The following SLC6A5 variants were observed in gnomAD, a reference collection of about 807,000 sequenced individuals.
SLC6A5 encodes sodium- and chloride-dependent glycine transporter 2.
Under a neutral mutation model 90.5 loss-of-function variants are expected in SLC6A5, and 58 were observed. The ratio of observed to expected loss-of-function variants is 0.64; its 90% CI spans 0.52 to 0.80. SLC6A5 has a LOEUF of 0.80. SLC6A5 is among the 30% of genes least tolerant of loss of function. The pLI is 0.00. For missense variants in SLC6A5, 1,015 were observed against 1,017.6 expected, an observed-to-expected ratio of 1.00 and a Z score of 0.03; for synonymous variants, 427 against 401.4, an observed-to-expected ratio of 1.06 and a Z score of -0.76.
intron 1 of SLC6A5, among the ~76,000 whole-genome samples, chr11:20,600,335 G>GGAAGAAGAA (rs55891826): frequency 0.011 from 942 of 87,894 alleles, 79 homozygotes; most frequent in South Asian, 0.016. Context: ...AAGAAGAAGA[G>GGAAGAAGAA]GAAGAAGAAG....
At chr11:20,645,435 G>A (rs952118538) in intron 13 of SLC6A5, among the ~76,000 whole-genome samples, 14 of 152,032 alleles carry the variant, frequency 9.2e-5, no homozygotes, top group Non-Finnish European at 1.5e-4. Flanking sequence ...CTGCTCTGGT[G>A]GAGCTCAGGG....
At position 20,659,228 on chromosome 11, in the gene SLC6A5, A is replaced by G; in HGVS notation, c.*4360A>G. ...TATGTACTGATATAAATTAGAATTTACCCTAATAATGTATGAGTTCACAAA... is the reference window on the plus strand; with the variant it reads ...TATGTACTGATATAAATTAGAATTTGCCCTAATAATGTATGAGTTCACAAA... On this transcript the variant is annotated 3_prime_UTR_variant, in exon 16 of 16. Transcript: ENST00000525748. 1 of 152,038 alleles carries G rather than the reference A, an allele frequency of 6.6e-6. No individual in the cohort carries two copies. Among genetic ancestry groups the G allele is most frequent in the Non-Finnish European group, 1.5e-5 (1 of 68,012 alleles). 9.4% of individuals were successfully genotyped at this position (152,038 alleles called of 1,614,324 possible).
chr11:20,617,581 A>C (rs980568809), intron 6 of SLC6A5, among the ~76,000 whole-genome samples, 171 bp from the exon 7 acceptor site: 19 of 152,208 alleles, frequency 1.2e-4, no homozygotes, highest in African/African-American at 4.6e-4. Context: ...AGCCCAGACC[A>C]GCAAATTCCC....
chr11:20,641,467 A>G (rs1015654724), intron 13 of SLC6A5, among the ~76,000 whole-genome samples: 9 of 152,014 alleles, frequency 5.9e-5, no homozygotes, highest in African/African-American at 2.2e-4. Context: ...TGATGGCTGA[A>G]CTCAGCAAGA....
chr11:20,640,121 C>A (rs1425388927), intron 13 of SLC6A5, among the ~76,000 whole-genome samples: 1 of 152,206 alleles, frequency 6.6e-6, no homozygotes, highest in Non-Finnish European at 1.5e-5. Flanking sequence ...CAAGGTCTTT[C>A]TTTGGCACCT....
intron 15 of SLC6A5, among the ~76,000 whole-genome samples, chr11:20,653,493 TG>T (rs2133826265): frequency 6.6e-6 from 1 of 152,258 alleles, no homozygotes; most frequent in African/African-American, 2.4e-5. Context: ...AACAGGCCTC[TG>T]GGTTATCCCA....
rs373204248 is a variant in SLC6A5, at chr11:20,654,742, G to A, written c.2268G>A (p.Pro756=). ...TGAAGTTGGTGTGCTCGCCACAGCC[G>A]GACTGGGGCCCATTCTTAGCTCAAC... is the stretch of plus-strand genomic sequence containing the variant. ...ERLKLVCSPQ[P]DWGPFLAQHR... is the part of the protein sequence containing the mutation. Residue 756 remains proline (P), a synonymous_variant, in exon 16 of 16, where the codon CCG becomes CCA. Coordinates refer to ENST00000525748, the MANE Select transcript of SLC6A5 (RefSeq NM_004211.5). The A allele has an allele frequency of 1.2e-5, 19 of 1,614,138 alleles. No homozygotes were observed. The African/African-American group carries it at 1.3e-4, about 11-fold the overall frequency.
In SLC6A5 at chr11:20,630,812, C is replaced by A. The variant is rs931802079; in HGVS notation, c.1621C>A (p.Gln541Lys). Residue 541 changes from glutamine to lysine, a missense_variant, in exon 10 of 16, where the codon CAA becomes AAA. Gln to Lys is a moderately conservative substitution (Grantham distance 53). Around this residue, in one of 3 missense-constraint regions of SLC6A5, gnomAD observed 442 missense variants for 494.3 expected, o/e 0.89. Transcript: ENST00000525748. ...AGTCAACATTGAGAATGTGGCAGAC[C>A]AAGGTACAGGACAGTTGTTACCCTG... ...RKVNIENVAD[Q>K]GPGIAFVVYP... 6.2e-7 allele frequency: 1 copy of A among 1,614,110 alleles called. No individual in the cohort carries two copies. Among genetic ancestry groups the A allele is most frequent in the Middle Eastern group, 1.6e-4 (1 of 6,062 alleles).
chr11:20,628,195 A>G, intron 9 of SLC6A5, 112 bp downstream of exon 9: 3 of 947,660 alleles, frequency 3.2e-6, no homozygotes, highest in Non-Finnish European at 3.4e-6. Context: ...AGGGAGAGCT[A>G]AAGATTTGCC....
intron 7 of SLC6A5, among the ~76,000 whole-genome samples, chr11:20,620,130 A>G (rs10766703): frequency 0.71 from 107,337 of 152,054 alleles, 37,940 homozygotes; most frequent in South Asian, 0.78. Flanking sequence ...TTATGGCTAG[A>G]AATGGAGACA....
At chr11:20,606,227 G>GC (rs1305954477) in intron 3 of SLC6A5, among the ~76,000 whole-genome samples, 1 of 152,244 alleles carries the variant, frequency 6.6e-6, no homozygotes, top group Non-Finnish European at 1.5e-5. Flanking sequence ...AAGTACTATT[G>GC]CCCTAGACGG....
chr11:20,654,961 CT>C lies in SLC6A5; in HGVS notation c.*96del. On this transcript the variant is annotated 3_prime_UTR_variant, in exon 16 of 16. Transcript: ENST00000525748. ...TAGCTCTCCTCCCATTTTTCTTCAT[CT>C]TTCTTCCTACATCTTGGTTCACATC... The C allele has an allele frequency of 7.6e-7, 1 of 1,309,382 alleles. No individual in the cohort carries two copies. The highest frequency in any genetic ancestry group is 1.1e-6 in the Non-Finnish European group (1 of 902,446). The allele number at this position is 1,309,382 out of a possible 1,614,324, so 81.1% of individuals were successfully genotyped here.
intron 14 of SLC6A5, 128 bp from the exon 15 acceptor site, chr11:20,652,161 A>G: frequency 2.4e-6 from 2 of 833,794 alleles, no homozygotes; most frequent in Non-Finnish European, 4.1e-6. Flanking sequence ...GATTAATAAT[A>G]CTACTCTTTC....
intron 2 of SLC6A5, among the ~76,000 whole-genome samples, chr11:20,603,960 G>A (rs912736181): frequency 1.3e-5 from 2 of 152,042 alleles, no homozygotes; most frequent in Non-Finnish European, 2.9e-5. Context: ...CACCTTACAG[G>A]TTCAAGGTTT....
At chr11:20,637,882 C>A (rs1030423645) in intron 12 of SLC6A5, among the ~76,000 whole-genome samples, 8 of 152,132 alleles carry the variant, frequency 5.3e-5, no homozygotes, top group African/African-American at 1.9e-4. Flanking sequence ...TTAGCTTACT[C>A]AGTATATATA....
chr11:20,644,101 C>T (rs1231528403), intron 13 of SLC6A5, among the ~76,000 whole-genome samples: 1 of 152,130 alleles, frequency 6.6e-6, no homozygotes, highest in Non-Finnish European at 1.5e-5. Flanking sequence ...TTACGAGGTT[C>T]AAAAGGGATG....
intron 1 of SLC6A5, among the ~76,000 whole-genome samples, chr11:20,600,397 A>G (rs1852443374): frequency 6.8e-6 from 1 of 147,280 alleles, no homozygotes; most frequent in Admixed American, 6.8e-5. Flanking sequence ...GAAGAAGAAG[A>G]AGAAGAAGAA....
Position 20,607,408 on chromosome 11 carries a change from C to A in SLC6A5, c.812-71C>A. 3 of 1,565,812 alleles carry A rather than the reference C, an allele frequency of 1.9e-6. No homozygotes were observed. The Admixed American group carries it at 5.0e-5, about 26-fold the overall frequency. ...AAGAGAGCCTAGACCTAGGTCCCCA[C>A]CCTATGCCCAACTCTAAGAATTCCA... On this transcript the variant is annotated intron_variant, in intron 4 of 15. Transcript: ENST00000525748.
intron 10 of SLC6A5, among the ~76,000 whole-genome samples, chr11:20,633,244 T>C (rs530684593): frequency 3.3e-5 from 5 of 152,342 alleles, no homozygotes; most frequent in Admixed American, 3.3e-4. Flanking sequence ...TTTGCATATT[T>C]ATTTAGCATT....
Sources: gnomAD v4.1 joint callset for allele counts (sites outside exome capture counted in the v4.1 genomes callset) on GRCh38, gnomAD v4.1.1 for gene constraint, gnomAD v4.1.1 regional missense constraint, MANE v1.5 for transcripts, NCBI Gene and HGNC (gene_info 2026-07-23, HGNC 2026-07-21) for gene names.